NDE1: variants seen among roughly 807,000 people sequenced by gnomAD.
NDE1 encodes nudE neurodevelopment protein 1.
Under a neutral mutation model 43.4 loss-of-function variants are expected in NDE1, and 28 were observed. That is an observed-to-expected ratio of 0.65 (90% CI 0.48 to 0.89). The LOEUF (loss-of-function observed/expected upper bound fraction) is 0.89. Among genes scored for constraint, NDE1 ranks in the 40% least tolerant of loss-of-function variants. The pLI is 0.00. For missense variants in NDE1, 441 were observed against 434.1 expected, an observed-to-expected ratio of 1.02 and a Z score of -0.14; for synonymous variants, 184 against 172.0, an observed-to-expected ratio of 1.07 and a Z score of -0.55.
intron 8 of NDE1, chr16:15,720,339 G>A: frequency 6.2e-7 from 1 of 1,606,400 alleles, no homozygotes; most frequent in Non-Finnish European, 8.5e-7. Flanking sequence ...GATGTGTGCT[G>A]CCCCACTTGC....
chr16:15,662,123 A>G (rs1471641867), intron 1 of NDE1, among the ~76,000 whole-genome samples: 1 of 150,022 alleles, frequency 6.7e-6, no homozygotes, highest in Non-Finnish European at 1.5e-5. Flanking sequence ...TTTTTTTGTC[A>G]AGGTAGGGTC....
chr16:15,719,675 G>T, intron 8 of NDE1: 1 of 1,614,142 alleles, frequency 6.2e-7, no homozygotes, highest in Non-Finnish European at 8.5e-7. Context: ...TGGAGGCACG[G>T]GCATCTTCCA....
chr16:15,716,010 C>T (rs1405060635), intron 8 of NDE1, among the ~76,000 whole-genome samples: 1 of 152,030 alleles, frequency 6.6e-6, no homozygotes, highest in African/African-American at 2.4e-5. Flanking sequence ...ACCTGTAGTC[C>T]CAGCTACTTG....
chr16:15,714,798 G>A lies in NDE1; in HGVS notation c.948-9393G>A, dbSNP rs1016570210. 4.6e-6 allele frequency: 6 copies of A among 1,307,668 alleles called. No homozygotes were observed. The South Asian group carries it at 7.1e-5, about 16-fold the overall frequency. 81.0% of individuals were successfully genotyped at this position (1,307,668 alleles called of 1,614,324 possible). A position where few individuals can be genotyped will look rare whatever the true frequency, so the allele number is the denominator to read the frequency against. On this transcript the variant is annotated intron_variant, in intron 8 of 8. Transcript: ENST00000396354. Reference sequence around the variant, plus strand: ...GAGAAGCAGGAATAAACCACAGAAGGGAGTGGCGGCTGTGGGCACAAGGGG... The same window carrying A: ...GAGAAGCAGGAATAAACCACAGAAGAGAGTGGCGGCTGTGGGCACAAGGGG...
At chr16:15,649,688 CAGTT>C (rs1400903488), upstream of NDE1, among the ~76,000 whole-genome samples, 11 of 152,266 alleles carry the variant, frequency 7.2e-5, no homozygotes, top group South Asian at 4.1e-4. Context: ...CAAGACCACA[CAGTT>C]AGTAAGGGGC....
rs566741672 is a variant in NDE1 at position 15,662,678 on chromosome 16, G to T, written c.-43-2058G>T. Among the ~76,000 whole-genome samples, 66 of 152,234 alleles carry T rather than the reference G, an allele frequency of 4.3e-4. 1 individual carries two copies. The South Asian group carries it at 0.014, about 32-fold the overall frequency. ...CGCAACCTCTGCCTCCTGTGCTCAGGTGATCCTCCCATCTCAGCCTCCTGA... is the reference window on the plus strand; with the variant it reads ...CGCAACCTCTGCCTCCTGTGCTCAGTTGATCCTCCCATCTCAGCCTCCTGA... On this transcript the variant is annotated intron_variant, in intron 1 of 8. Coordinates refer to ENST00000396354, the MANE Select transcript of NDE1 (RefSeq NM_017668.3).
At chr16:15,692,471 G>A (rs2151124882) in intron 6 of NDE1, among the ~76,000 whole-genome samples, 1 of 152,070 alleles carries the variant, frequency 6.6e-6, no homozygotes. Context: ...GTGCAATGGT[G>A]CGATATTGGC....
intron 7 of NDE1, among the ~76,000 whole-genome samples, chr16:15,695,188 G>GA (rs1460143048): frequency 7.8e-6 from 1 of 128,584 alleles, no homozygotes; most frequent in Non-Finnish European, 1.6e-5. Flanking sequence ...TCTCAGAAGA[G>GA]AAAAAAACTG....
intron 6 of NDE1, among the ~76,000 whole-genome samples, chr16:15,693,102 A>C (rs1275998271): frequency 1.3e-5 from 2 of 151,858 alleles, no homozygotes; most frequent in African/African-American, 4.8e-5. Flanking sequence ...CCTGGATTCA[A>C]GCGATTCTCA....
rs754743209 is a variant in NDE1 at position 15,694,182 on chromosome 16, G to C, written c.721G>C (p.Gly241Arg). The C allele has an allele frequency of 3.7e-6, 6 of 1,612,716 alleles. No homozygotes were observed. In the South Asian group the frequency reaches 6.6e-5, roughly 18 times the overall value. The change falls in exon 7 of 9, where the codon GGG becomes CGG. Residue 241 changes from glycine (G) to arginine (R), a missense_variant. Gly to Arg is a moderately radical substitution (Grantham distance 125). Transcript: ENST00000396354. ...ACACCCAGGCCTGGACGACTCCACCGGGGGGACCCCCCTCACACCTGCGGC... is the reference window on the plus strand; with the variant it reads ...ACACCCAGGCCTGGACGACTCCACCCGGGGGACCCCCCTCACACCTGCGGC... The part of the protein sequence containing the change: ...SFRRGLDDST[G>R]GTPLTPAARI...
At chr16:15,685,095 TTA>T (rs1266259154) in intron 4 of NDE1, among the ~76,000 whole-genome samples, 1 of 152,272 alleles carries the variant, frequency 6.6e-6, no homozygotes, top group African/African-American at 2.4e-5. Flanking sequence ...GTCTTCCTCT[TTA>T]TATACTCAGT....
chr16:15,697,022 G>A, intron 8 of NDE1, 162 bp downstream of exon 8: 7 of 1,529,582 alleles, frequency 4.6e-6, no homozygotes, highest in Non-Finnish European at 6.1e-6. Flanking sequence ...ATTAGGTGGT[G>A]TCTTGTGGCT....
At chr16:15,694,049 G>T in intron 6 of NDE1, 116 bp from the exon 7 acceptor site, 11 of 1,230,990 alleles carry the variant, frequency 8.9e-6, no homozygotes, top group Non-Finnish European at 1.2e-6. Context: ...TAGCTTTTGG[G>T]ATCCGAGGAA....
intron 3 of NDE1, among the ~76,000 whole-genome samples, chr16:15,674,945 T>G (rs1738246799): frequency 1.3e-5 from 2 of 152,070 alleles, no homozygotes; most frequent in East Asian, 1.9e-4. Context: ...ACGGTGATAA[T>G]GTGTGAAAGC....
intron 1 of NDE1, among the ~76,000 whole-genome samples, chr16:15,657,604 T>C (rs922051109): frequency 6.6e-6 from 1 of 152,082 alleles, no homozygotes; most frequent in Non-Finnish European, 1.5e-5. Context: ...CCCTTTTTAT[T>C]TTTTTGAGAT....
Position 15,725,485 on chromosome 16 carries a change from C to T in NDE1, c.*1234C>T, listed in dbSNP as rs541566058. The T allele has an allele frequency of 3.5e-5, 15 of 428,716 alleles. No individual in the cohort carries two copies. Among genetic ancestry groups the T allele is most frequent in the South Asian group, 8.6e-5 (1 of 11,662 alleles). 26.6% of individuals were successfully genotyped at this position (428,716 alleles called of 1,614,324 possible). On this transcript the variant is annotated 3_prime_UTR_variant, in exon 9 of 9. Transcript: ENST00000396354. Reference sequence around the variant, plus strand: ...TGACCCTGATGGCCAAAGCCAGAGACGCAGGCCCTAAAGGTAAAAACGTCC... The same window carrying T: ...TGACCCTGATGGCCAAAGCCAGAGATGCAGGCCCTAAAGGTAAAAACGTCC...
At chr16:15,647,322 C>G (rs2036350355), upstream of NDE1, among the ~76,000 whole-genome samples, 1 of 152,176 alleles carries the variant, frequency 6.6e-6, no homozygotes, top group Admixed American at 6.5e-5. Flanking sequence ...CTCTTTGCCT[C>G]TAGCATAGTG....
intron 1 of NDE1, 135 bp from the exon 2 acceptor site, chr16:15,664,601 C>G: frequency 3.2e-6 from 2 of 616,520 alleles, no homozygotes; most frequent in Non-Finnish European, 5.7e-6. Context: ...GTGATCCGCC[C>G]GCCTCAGCCT....
chr16:15,694,014 C>T (rs1379731224), intron 6 of NDE1, 151 bp from the exon 7 acceptor site: 6 of 884,806 alleles, frequency 6.8e-6, no homozygotes, highest in East Asian at 2.7e-5. Flanking sequence ...GTGTGTGATG[C>T]GGTTAACTAC....
Sources: gnomAD v4.1 joint callset for allele counts (sites outside exome capture counted in the v4.1 genomes callset) on GRCh38, gnomAD v4.1.1 for gene constraint, MANE v1.5 for transcripts, NCBI Gene and HGNC (gene_info 2026-07-23, HGNC 2026-07-21) for gene names.